MEF2A: variants seen among roughly 807,000 people sequenced by gnomAD.
The protein encoded by MEF2A is myocyte-specific enhancer factor 2A.
MEF2A carries 28 observed loss-of-function variants against 55.8 expected under a neutral mutation model. The observed-to-expected ratio is 0.50, with a 90% CI of 0.37 to 0.69. The LOEUF is 0.69. MEF2A is among the 30% of genes least tolerant of loss of function. MEF2A has a pLI of 0.00. For synonymous variants in MEF2A, 239 were observed against 227.1 expected (o/e 1.05, Z -0.47); for missense variants, 528 against 626.2 (o/e 0.84, Z 1.67).
chr15:99,674,781 G>T (rs933170306), intron 6 of MEF2A, among the ~76,000 whole-genome samples, 169 bp downstream of exon 6: 1 of 152,132 alleles, frequency 6.6e-6, no homozygotes, highest in Non-Finnish European at 1.5e-5. Context: ...TCAATTGTGG[G>T]TGTAGCATTG....
intron 1 of MEF2A, among the ~76,000 whole-genome samples, chr15:99,596,408 A>T (rs939146507): frequency 5.3e-5 from 8 of 152,060 alleles, no homozygotes; most frequent in African/African-American, 1.9e-4. Context: ...AAAAAAAAAA[A>T]CTTGTTTATG....
At chr15:99,646,646 T>TCCA in intron 4 of MEF2A, among the ~76,000 whole-genome samples, 1 of 151,908 alleles carries the variant, frequency 6.6e-6, no homozygotes, top group South Asian at 2.1e-4. Context: ...ACAAATGGAG[T>TCCA]CCTAATCTAG....
chr15:99,700,537 G>T (rs1433515086), intron 8 of MEF2A, among the ~76,000 whole-genome samples: 1 of 152,058 alleles, frequency 6.6e-6, no homozygotes, highest in Admixed American at 6.5e-5. Flanking sequence ...GTACAGTTGT[G>T]TGTACATATG....
At chr15:99,671,682 CT>C in intron 5 of MEF2A, 1 of 1,537,542 alleles carries the variant, frequency 6.5e-7, no homozygotes, top group Non-Finnish European at 8.7e-7. Context: ...ATGGTTTGTG[CT>C]TTTATCTTGT....
intron 1 of MEF2A, among the ~76,000 whole-genome samples, chr15:99,573,701 A>G (rs1244936299): frequency 2.0e-5 from 3 of 152,240 alleles, no homozygotes; most frequent in Admixed American, 1.3e-4. Flanking sequence ...TATACATGAA[A>G]TACATTACTA....
chr15:99,575,678 C>T (rs1241713169), intron 1 of MEF2A, among the ~76,000 whole-genome samples: 2 of 152,200 alleles, frequency 1.3e-5, no homozygotes, highest in Non-Finnish European at 2.9e-5. Context: ...CAAACGCTTA[C>T]AGAATGGTTT....
intron 5 of MEF2A, among the ~76,000 whole-genome samples, chr15:99,673,760 C>G (rs1055197347): frequency 1.3e-5 from 2 of 151,944 alleles, no homozygotes; most frequent in African/African-American, 4.8e-5. Context: ...AACTTTATTA[C>G]TTTTATTACT....
intron 1 of MEF2A, among the ~76,000 whole-genome samples, chr15:99,585,955 C>T (rs1035673586): frequency 2.0e-5 from 3 of 151,936 alleles, no homozygotes; most frequent in African/African-American, 7.3e-5. Context: ...AATAGGTATT[C>T]TCTAGTGTCT....
At chr15:99,637,278 A>G (rs1294064269) in intron 3 of MEF2A, among the ~76,000 whole-genome samples, 1 of 152,134 alleles carries the variant, frequency 6.6e-6, no homozygotes, top group African/African-American at 2.4e-5. Context: ...GAGAATTGAA[A>G]TCTTTACAGT....
intron 1 of MEF2A, among the ~76,000 whole-genome samples, chr15:99,589,318 C>G (rs1968476352): frequency 6.6e-6 from 1 of 152,154 alleles, no homozygotes; most frequent in African/African-American, 2.4e-5. Context: ...CTTAAGTTGT[C>G]AGTTTTATTG....
At chr15:99,694,572 G>A (rs577523578) in intron 8 of MEF2A, among the ~76,000 whole-genome samples, 25 of 152,246 alleles carry the variant, frequency 1.6e-4, no homozygotes, top group African/African-American at 6.0e-4. Flanking sequence ...AACCTGTATC[G>A]TCATAACTAT....
chr15:99,699,949 T>C (rs192072402), intron 8 of MEF2A, among the ~76,000 whole-genome samples: 21 of 117,010 alleles, frequency 1.8e-4, no homozygotes, highest in Non-Finnish European at 3.0e-4. Context: ...AGTAAGAGTT[T>C]ATATGTGTGT....
chr15:99,710,715 C>T lies in MEF2A; in HGVS notation c.1091C>T (p.Ala364Val), dbSNP rs774402211. The T allele has an allele frequency of 2.5e-6, 4 of 1,613,042 alleles. No individual in the cohort carries two copies. In the South Asian group the frequency reaches 3.3e-5, roughly 13 times the overall value. The change falls in exon 11 of 12, where the codon GCC becomes GTC. Residue 364 changes from alanine (A) to valine (V), a missense_variant. This residue lies in a region of MEF2A where 450 missense variants were observed against 475.3 expected (regional missense o/e 0.95). Coordinates refer to ENST00000557942, the MANE Select transcript of MEF2A (RefSeq NM_001319206.4). ...PGMLSLGQVS[A>V]WQQHHLGQAA... is the part of the protein sequence containing the mutation. ...ATGCTGTCGCTGGGACAGGTGTCGG[C>T]CTGGCAGCAGCACCACCTAGGACAA...
At chr15:99,637,441 T>A (rs1000522520) in intron 3 of MEF2A, among the ~76,000 whole-genome samples, 8 of 152,196 alleles carry the variant, frequency 5.3e-5, no homozygotes, top group Non-Finnish European at 1.0e-4. Flanking sequence ...TAACATTTCT[T>A]CTCAAATTTT....
rs182081822 is a variant in MEF2A, at chr15:99,652,193, T to C, written c.258+6429T>C. Among the ~76,000 whole-genome samples the C allele has an allele frequency of 1.1e-3, 174 of 151,632 alleles. 1 individual carries two copies. In the East Asian group the frequency reaches 0.031, roughly 27 times the overall value. ...ACCTTGTTGGCACCAGGGATGGGGG[T>C]TGGGGGTGGGAGGAATGTGGACAGG... On this transcript the variant is annotated intron_variant, in intron 4 of 11. Coordinates refer to ENST00000557942, the MANE Select transcript of MEF2A (RefSeq NM_001319206.4).
rs1295981800 is a variant in MEF2A at position 99,714,365 on chromosome 15, A to G, written c.*1594A>G. The G allele has an allele frequency of 6.6e-6, 1 of 152,252 alleles. No homozygotes were observed. Among genetic ancestry groups the G allele is most frequent in the Non-Finnish European group, 1.5e-5 (1 of 68,038 alleles). The allele number at this position is 152,252 out of a possible 1,614,324, so 9.4% of individuals were successfully genotyped here. A position where few individuals can be genotyped will look rare whatever the true frequency, so the allele number is the denominator to read the frequency against. On this transcript the variant is annotated 3_prime_UTR_variant, in exon 12 of 12. Transcript: ENST00000557942. ...AGCACAAAGGTTTTATAAGTGGTAA[A>G]TGATTAGGGGAAAATAATCATGGGG...
chr15:99,691,992 TAA>T (rs2055576582), intron 8 of MEF2A, among the ~76,000 whole-genome samples: 1 of 152,216 alleles, frequency 6.6e-6, no homozygotes, highest in African/African-American at 2.4e-5. Flanking sequence ...AATCAAGTTT[TAA>T]AACTTCTTAG....
At chr15:99,576,657 T>C (rs1240322370) in intron 1 of MEF2A, among the ~76,000 whole-genome samples, 1 of 151,750 alleles carries the variant, frequency 6.6e-6, no homozygotes, top group African/African-American at 2.4e-5. Flanking sequence ...TTTTTTTTTT[T>C]TGAGACGGAA....
At chr15:99,602,926 T>G (rs1973821155) in intron 2 of MEF2A, among the ~76,000 whole-genome samples, 1 of 152,082 alleles carries the variant, frequency 6.6e-6, no homozygotes, top group African/African-American at 2.4e-5. Flanking sequence ...TTAAATAAGC[T>G]TTAGTTGTTT....
Sources: gnomAD v4.1 joint callset for allele counts (sites outside exome capture counted in the v4.1 genomes callset) on GRCh38, gnomAD v4.1.1 for gene constraint, gnomAD v4.1.1 regional missense constraint, MANE v1.5 for transcripts, NCBI Gene and HGNC (gene_info 2026-07-23, HGNC 2026-07-21) for gene names.